Variants in MCC observed in about 807,000 individuals in gnomAD.
The protein encoded by MCC is MCC regulator of Wnt signaling pathway.
MCC carries 90 observed loss-of-function variants against 116.2 expected under a neutral mutation model. The ratio of observed to expected loss-of-function variants is 0.77; its 90% CI spans 0.65 to 0.92. The LOEUF (loss-of-function observed/expected upper bound fraction) is 0.92. Ranked by LOEUF, MCC falls within the 40% of genes least tolerant of loss-of-function variation. The probability of loss-of-function intolerance (pLI) is 0.00; values close to 1 mark genes in which losing one functional copy is unlikely to be tolerated. For synonymous variants in MCC, 578 were observed against 510.5 expected (o/e 1.13, Z -1.78); for missense variants, 1,516 against 1,312.2 (o/e 1.16, Z -2.40).
intron 14 of MCC, among the ~76,000 whole-genome samples, chr5:113,054,295 G>C (rs922421699): frequency 6.6e-6 from 1 of 152,170 alleles, no homozygotes; most frequent in South Asian, 2.1e-4. Context: ...ATCAAAAGGA[G>C]GGAAATCATG....
At chr5:113,124,944 G>A (rs1757958392) in intron 5 of MCC, among the ~76,000 whole-genome samples, 2 of 152,246 alleles carry the variant, frequency 1.3e-5, no homozygotes, top group South Asian at 4.1e-4. Context: ...CCTGGGTGGA[G>A]CAGCGCTCAA....
chr5:113,357,291 A>C (rs1038709718), intron 2 of MCC, among the ~76,000 whole-genome samples: 3 of 152,224 alleles, frequency 2.0e-5, no homozygotes, highest in African/African-American at 7.2e-5. Flanking sequence ...AGATAATAGA[A>C]AGCAAATATA....
rs139815926 is a variant in MCC, at chr5:113,142,250, T to A, written c.884+968A>T. On this transcript the variant is annotated intron_variant, in intron 5 of 18. Coordinates refer to ENST00000408903, the MANE Select transcript of MCC (RefSeq NM_001085377.2). ...AGTTTAAAGTAGCTGCCTCTGAAAC[T>A]GTTTTAAAATTGTGGCTTGTGTAAG... is the stretch of plus-strand genomic sequence containing the variant. 8.7e-4 allele frequency among the ~76,000 whole-genome samples: 132 copies of A among 152,020 alleles called. 1 individual carries two copies. Among genetic ancestry groups the A allele is most frequent in the South Asian group, 6.0e-3 (29 of 4,796 alleles).
intron 3 of MCC, among the ~76,000 whole-genome samples, chr5:113,293,335 A>T (rs914833609): frequency 3.3e-5 from 5 of 151,726 alleles, no homozygotes; most frequent in African/African-American, 1.2e-4. Context: ...CTGCTTTTAC[A>T]CTGTTTTCCT....
intron 3 of MCC, among the ~76,000 whole-genome samples, chr5:113,299,292 C>CAAAAAAAAAA (rs58372049): frequency 3.8e-4 from 20 of 52,078 alleles, no homozygotes; most frequent in East Asian, 1.5e-3. Context: ...GACTCCGTCT[C>CAAAAAAAAAA]AAAAAAAAAA....
intron 8 of MCC, among the ~76,000 whole-genome samples, chr5:113,094,102 C>A (rs1180945882): frequency 6.6e-6 from 1 of 152,180 alleles, no homozygotes; most frequent in Non-Finnish European, 1.5e-5. Flanking sequence ...AACCACACCT[C>A]TTATTGGAGA....
chr5:113,324,949 T>G (rs7718459), intron 3 of MCC, among the ~76,000 whole-genome samples: 1 of 150,888 alleles, frequency 6.6e-6, no homozygotes, highest in Admixed American at 6.6e-5. Context: ...CCTCCCACCC[T>G]AGCCTCCCAA....
intron 6 of MCC, among the ~76,000 whole-genome samples, chr5:113,110,244 T>C (rs1180482023): frequency 2.0e-5 from 3 of 152,176 alleles, no homozygotes; most frequent in Non-Finnish European, 4.4e-5. Context: ...AGGTTGCTTA[T>C]CACAAGCAGC....
At chr5:113,266,536 CCTTA>C (rs1172050968) in intron 3 of MCC, among the ~76,000 whole-genome samples, 4 of 152,096 alleles carry the variant, frequency 2.6e-5, no homozygotes, top group Non-Finnish European at 5.9e-5. Flanking sequence ...AGCACTACTC[CCTTA>C]CTTTTTTTCT....
chr5:113,383,225 G>C (rs1561545718), intron 2 of MCC, among the ~76,000 whole-genome samples: 1 of 152,032 alleles, frequency 6.6e-6, no homozygotes, highest in East Asian at 1.9e-4. Flanking sequence ...GCAATTATTG[G>C]TTGGGGTGTT....
At chr5:113,066,073 G>C (rs1753580834) in intron 13 of MCC, among the ~76,000 whole-genome samples, 1 of 152,176 alleles carries the variant, frequency 6.6e-6, no homozygotes, top group African/African-American at 2.4e-5. Context: ...TTACTTACTG[G>C]CTCATATTAT....
intron 6 of MCC, among the ~76,000 whole-genome samples, chr5:113,116,064 G>C (rs1757374144): frequency 1.3e-5 from 2 of 152,148 alleles, no homozygotes; most frequent in Non-Finnish European, 1.5e-5. Flanking sequence ...CTAACCTCCA[G>C]TCCAAATGGC....
chr5:113,130,029 T>C (rs1040014926), intron 5 of MCC, among the ~76,000 whole-genome samples: 22 of 152,308 alleles, frequency 1.4e-4, no homozygotes, highest in African/African-American at 4.6e-4. Context: ...TAAAGACACA[T>C]GCACATGTAT....
chr5:113,433,357 G>A (rs1207539869), intron 1 of MCC: 10 of 404,762 alleles, frequency 2.5e-5, no homozygotes, highest in South Asian at 2.1e-4. Context: ...CCCCGGGGAC[G>A]ATGAAAGGAG....
At chr5:113,425,700 A>G (rs1770462626) in intron 1 of MCC, among the ~76,000 whole-genome samples, 1 of 152,218 alleles carries the variant, frequency 6.6e-6, no homozygotes, top group African/African-American at 2.4e-5. Context: ...TATAGAAGCA[A>G]ACGTGAGAAG....
chr5:113,180,846 T>C (rs1761591516), intron 3 of MCC, among the ~76,000 whole-genome samples: 1 of 152,184 alleles, frequency 6.6e-6, no homozygotes, highest in Non-Finnish European at 1.5e-5. Flanking sequence ...AGTTAACAAT[T>C]ACATTTTAAT....
intron 1 of MCC, among the ~76,000 whole-genome samples, chr5:113,457,064 C>A (rs1312233110): frequency 6.6e-6 from 1 of 152,212 alleles, no homozygotes; most frequent in Non-Finnish European, 1.5e-5. Flanking sequence ...AGCCCTTCAG[C>A]CCACCGCTGC....
At chr5:113,193,741 A>G (rs1220911415) in intron 3 of MCC, among the ~76,000 whole-genome samples, 1 of 152,204 alleles carries the variant, frequency 6.6e-6, no homozygotes, top group African/African-American at 2.4e-5. Flanking sequence ...AGTTTATGCT[A>G]TTCATTCACA....
intron 5 of MCC, among the ~76,000 whole-genome samples, chr5:113,126,084 G>A (rs1758034103): frequency 1.3e-5 from 2 of 152,136 alleles, no homozygotes; most frequent in Non-Finnish European, 2.9e-5. Context: ...GAACATAAAG[G>A]GTCAACTCAC....
Sources: allele counts gnomAD v4.1 joint callset (sites outside exome capture counted in the v4.1 genomes callset), GRCh38; gene constraint gnomAD v4.1.1; transcripts MANE v1.5; gene names NCBI Gene and HGNC (gene_info 2026-07-23, HGNC 2026-07-21).